Variants in SCAF11 observed in about 807,000 individuals in gnomAD.
SCAF11 encodes protein SCAF11.
SCAF11 carries 47 observed loss-of-function variants against 140.5 expected under a neutral mutation model. The ratio of observed to expected loss-of-function variants is 0.33; its 90% CI spans 0.26 to 0.43. The LOEUF is 0.43. SCAF11 is among the 20% of genes least tolerant of loss of function. The probability of loss-of-function intolerance (pLI) is 1.00; values close to 1 mark genes in which losing one functional copy is unlikely to be tolerated. For missense variants in SCAF11, 1,645 were observed against 1,705.1 expected (o/e 0.96, Z 0.62); for synonymous variants, 557 against 579.4 (o/e 0.96, Z 0.55).
At chr12:45,944,788 T>C (rs1945380201) in intron 6 of SCAF11, among the ~76,000 whole-genome samples, 1 of 4,180 alleles carries the variant, frequency 2.4e-4, no homozygotes. Flanking sequence ...TAGAGGTGCT[T>C]TTATTTCTAA....
In SCAF11 at chr12:45,928,755, T is replaced by A; in HGVS notation, c.946A>T (p.Met316Leu). 1 of 1,614,038 alleles carries A rather than the reference T, an allele frequency of 6.2e-7. No individual in the cohort carries two copies. Among genetic ancestry groups the A allele is most frequent in the Non-Finnish European group, 8.5e-7 (1 of 1,179,998 alleles). The change falls in exon 11 of 15, where the codon ATG becomes TTG. Residue 316 changes from methionine to leucine, a missense_variant. Physicochemically the swap from Met to Leu is conservative, Grantham distance 15. Transcript: ENST00000369367. ...NTRGSRRKPA[M>L]TTPTRRSTRN... ...GTAGACCTCCTTGTAGGAGTTGTCA[T>A]TGCAGGTTTTCGTCTTGATCCTCTG...
At chr12:45,962,130 T>C (rs552198109) in intron 2 of SCAF11, among the ~76,000 whole-genome samples, 1 of 152,322 alleles carries the variant, frequency 6.6e-6, no homozygotes, top group African/African-American at 2.4e-5. Flanking sequence ...AGCAAATTTC[T>C]CATTCAAATT....
intron 1 of SCAF11, among the ~76,000 whole-genome samples, chr12:45,969,334 TTC>T (rs1175792245): frequency 6.6e-6 from 1 of 152,144 alleles, no homozygotes; most frequent in East Asian, 1.9e-4. Context: ...CCTTCTTTCC[TTC>T]TATTTTTTTT....
chr12:45,935,486 A>G (rs1945150574), intron 6 of SCAF11, among the ~76,000 whole-genome samples: 1 of 152,196 alleles, frequency 6.6e-6, no homozygotes, highest in Admixed American at 6.5e-5. Flanking sequence ...AAGAGGCAAG[A>G]AGTAAAAATG....
intron 6 of SCAF11, 47 bp from the exon 7 acceptor site, chr12:45,934,552 T>C: frequency 2.3e-6 from 3 of 1,332,000 alleles, no homozygotes; most frequent in Non-Finnish European, 3.1e-6. Flanking sequence ...TTAATTTTTA[T>C]TAAAAAGGCT....
intron 14 of SCAF11, 85 bp from the exon 15 acceptor site, chr12:45,922,279 C>A: frequency 6.7e-7 from 1 of 1,483,852 alleles, no homozygotes. Context: ...AAAACAACCC[C>A]AAAGAGATAA....
At chr12:45,940,491 T>C (rs765063695) in intron 6 of SCAF11, among the ~76,000 whole-genome samples, 1 of 152,228 alleles carries the variant, frequency 6.6e-6, no homozygotes, top group Non-Finnish European at 1.5e-5. Flanking sequence ...GCATTGGATA[T>C]AGAGTCAGAA....
chr12:45,930,439 T>C (rs1398349681), intron 10 of SCAF11, among the ~76,000 whole-genome samples: 6 of 150,288 alleles, frequency 4.0e-5, no homozygotes, highest in Non-Finnish European at 1.5e-5. Context: ...TTTTGCGTTG[T>C]GTTTTGTTTT....
At chr12:45,935,875 G>A (rs1328256034) in intron 6 of SCAF11, among the ~76,000 whole-genome samples, 1 of 151,834 alleles carries the variant, frequency 6.6e-6, no homozygotes, top group African/African-American at 2.4e-5. Flanking sequence ...TGTCTAAATT[G>A]TGGTTTCCTG....
At position 45,928,317 on chromosome 12, in the gene SCAF11, C is replaced by A. The variant is rs1298247451; in HGVS notation, c.1384G>T (p.Ala462Ser). The change falls in exon 11 of 15, where the codon GCA becomes TCA. Residue 462 changes from alanine to serine, a missense_variant. Around this residue, in one of 2 missense-constraint regions of SCAF11, gnomAD observed 1,582 missense variants for 1,609.2 expected, o/e 0.98. Coordinates refer to ENST00000369367, the MANE Select transcript of SCAF11 (RefSeq NM_004719.3). ...EQIEESEKHT[A>S]NYDTEERVGS... Reference sequence around the variant, plus strand: ...ACTCTTTCCTCTGTATCATAATTTGCAGTATGCTTCTCACTTTCTTCTATT... The same window carrying A: ...ACTCTTTCCTCTGTATCATAATTTGAAGTATGCTTCTCACTTTCTTCTATT... The A allele has an allele frequency of 6.2e-7, 1 of 1,613,938 alleles. No homozygotes were observed. The highest frequency in any genetic ancestry group is 1.3e-5 in the African/African-American group (1 of 75,028).
Position 45,924,772 on chromosome 12 carries a change from G to T in SCAF11, c.3862C>A (p.Gln1288Lys), listed in dbSNP as rs990778395. Residue 1288 changes from glutamine (Q) to lysine (K), a missense_variant, in exon 12 of 15, where the codon CAA (glutamine) becomes AAA (lysine). Gln to Lys is a moderately conservative substitution (Grantham distance 53). This residue lies in a region of SCAF11 where 1,582 missense variants were observed against 1,609.2 expected (regional missense o/e 0.98). Transcript: ENST00000369367. ...GGTTGTGAAGCAATGTAGTTGACTT[G>T]TTGGGATGGTGGGGGAGGGGGTGGT... is the stretch of plus-strand genomic sequence containing the variant. ...PPPPPPPPSQ[Q>K]VNYIASQPDG... 71 of 1,516,512 alleles carry T rather than the reference G, an allele frequency of 4.7e-5. No homozygotes were observed. Among genetic ancestry groups the T allele is most frequent in the Non-Finnish European group, 6.1e-5 (67 of 1,094,564 alleles). The allele number at this position is 1,516,512 out of a possible 1,614,324, so 93.9% of individuals were successfully genotyped here. A position where few individuals can be genotyped will look rare whatever the true frequency, so the allele number is the denominator to read the frequency against.
rs1944652016 is a variant in SCAF11, at chr12:45,919,299, A to C, written c.*2749T>G. The C allele has an allele frequency of 2.0e-5, 3 of 152,484 alleles. No homozygotes were observed. The highest frequency in any genetic ancestry group is 6.5e-5 in the Admixed American group (1 of 15,280). 9.4% of individuals were successfully genotyped at this position (152,484 alleles called of 1,614,324 possible). On this transcript the variant is annotated 3_prime_UTR_variant, in exon 15 of 15. Coordinates refer to ENST00000369367, the MANE Select transcript of SCAF11 (RefSeq NM_004719.3). ...CTACATCTTTTGGATGGAACATTCCAGCAGTACACACTGTGGCCATTTAAA... is the reference window on the plus strand; with the variant it reads ...CTACATCTTTTGGATGGAACATTCCCGCAGTACACACTGTGGCCATTTAAA...
intron 6 of SCAF11, among the ~76,000 whole-genome samples, chr12:45,941,429 A>G (rs1945299182): frequency 6.6e-6 from 1 of 152,178 alleles, no homozygotes; most frequent in African/African-American, 2.4e-5. Flanking sequence ...GTGAGAACAC[A>G]AGATCTAAAT....
chr12:45,978,111 T>C (rs942943041), intron 1 of SCAF11, among the ~76,000 whole-genome samples: 1 of 152,164 alleles, frequency 6.6e-6, no homozygotes, highest in Non-Finnish European at 1.5e-5. Flanking sequence ...TAGTTTACCA[T>C]GAGAGTCTGA....
intron 3 of SCAF11, among the ~76,000 whole-genome samples, chr12:45,959,969 C>T (rs921889316): frequency 6.6e-6 from 1 of 152,150 alleles, no homozygotes; most frequent in Non-Finnish European, 1.5e-5. Context: ...AAGATAAGTA[C>T]TTTCTTTTGA....
At chr12:45,939,873 C>A (rs565937807) in intron 6 of SCAF11, among the ~76,000 whole-genome samples, 1 of 152,202 alleles carries the variant, frequency 6.6e-6, no homozygotes, top group Non-Finnish European at 1.5e-5. Context: ...ATCATGGTTT[C>A]TGTTCAGTGT....
At position 45,964,129 on chromosome 12, in the gene SCAF11, A is replaced by G. The variant is rs1356532626; in HGVS notation, c.39T>C (p.Asp13=). 1 of 1,534,874 alleles carries G rather than the reference A, an allele frequency of 6.5e-7. No individual in the cohort carries two copies. Among genetic ancestry groups the G allele is most frequent in the Non-Finnish European group, 9.0e-7 (1 of 1,115,372 alleles). ...TACCTTCCATGTCTTCATACTTCTT[A>G]TCTCCCATATTTAGGGTACATACAG... The part of the protein sequence containing the change: ...KKTVCTLNMG[D]KKYEDMEGEE... The change falls in exon 2 of 15, where the codon GAT becomes GAC. Residue 13 remains aspartate, a synonymous_variant. Transcript: ENST00000369367.
intron 13 of SCAF11, 121 bp from the exon 14 acceptor site, chr12:45,922,703 CA>C (rs1944744361): frequency 6.9e-6 from 7 of 1,018,688 alleles, no homozygotes; most frequent in Non-Finnish European, 9.8e-6. Context: ...ATTAACGTGA[CA>C]AATATAAAAC....
In SCAF11 at chr12:45,927,532, T is replaced by C. The variant is rs759060509; in HGVS notation, c.2169A>G (p.Ser723=). Residue 723 remains serine (S), a synonymous_variant, in exon 11 of 15, where the codon TCA becomes TCG. Coordinates refer to ENST00000369367, the MANE Select transcript of SCAF11 (RefSeq NM_004719.3). The part of the protein sequence containing the change: ...NNEMIPMECD[S]FCSDQNESEV... ...CAGATTCATTTTGGTCACTGCAAAA[T>C]GAATCACACTCCATAGGTATCATTT... The C allele has an allele frequency of 6.2e-7, 1 of 1,613,822 alleles. No homozygotes were observed.
Sources: allele counts gnomAD v4.1 joint callset (sites outside exome capture counted in the v4.1 genomes callset), GRCh38; gene constraint gnomAD v4.1.1; regional missense constraint gnomAD v4.1.1; transcripts MANE v1.5; gene names NCBI Gene and HGNC (gene_info 2026-07-23, HGNC 2026-07-21).